CACNA2D3: variants seen among roughly 807,000 people sequenced by gnomAD.
CACNA2D3 encodes the protein calcium voltage-gated channel auxiliary subunit alpha2delta 3.
CACNA2D3 carries 60 observed loss-of-function variants against 160.6 expected under a neutral mutation model. The observed-to-expected ratio is 0.37, with a 90% CI of 0.30 to 0.46. CACNA2D3 has a LOEUF of 0.46. CACNA2D3 is among the 20% of genes least tolerant of loss of function. CACNA2D3 has a pLI of 1.00. For missense variants in CACNA2D3, 1,205 were observed against 1,365.0 expected (o/e 0.88, Z 1.85); for synonymous variants, 558 against 492.9 (o/e 1.13, Z -1.75).
chr3:54,991,109 C>T (rs1702730446), intron 31 of CACNA2D3, among the ~76,000 whole-genome samples: 2 of 152,172 alleles, frequency 1.3e-5, no homozygotes, highest in African/African-American at 2.4e-5. Flanking sequence ...CAGATCTTAC[C>T]TCTTTGCAGG....
At chr3:54,606,641 A>G (rs945971120) in intron 9 of CACNA2D3, among the ~76,000 whole-genome samples, 2 of 152,170 alleles carry the variant, frequency 1.3e-5, no homozygotes, top group Admixed American at 6.5e-5. Flanking sequence ...AACAAGGCAC[A>G]TGAAGTGAGT....
Position 54,472,073 on chromosome 3 carries a change from A to G in CACNA2D3, c.382-31419A>G, listed in dbSNP as rs190376709. 3.3e-4 allele frequency among the ~76,000 whole-genome samples: 50 copies of G among 152,318 alleles called. 1 individual carries two copies. The East Asian group carries it at 9.4e-3, about 29-fold the overall frequency. ...GAGGCCAGCATCATCCTGATACCAA[A>G]ACCTGGCAGAGACACAAGAAAAAAA... is the stretch of plus-strand genomic sequence containing the variant. On this transcript the variant is annotated intron_variant, in intron 4 of 37. Coordinates refer to ENST00000474759, the MANE Select transcript of CACNA2D3 (RefSeq NM_018398.3).
At chr3:54,321,922 CAA>C (rs1214395409) in intron 3 of CACNA2D3, among the ~76,000 whole-genome samples, 65 of 100,680 alleles carry the variant, frequency 6.5e-4, no homozygotes, top group Non-Finnish European at 8.4e-4. Flanking sequence ...GAAATCCTTG[CAA>C]AAAAAAAAAA....
chr3:54,609,044 C>G (rs894764983), intron 9 of CACNA2D3, among the ~76,000 whole-genome samples: 7 of 152,182 alleles, frequency 4.6e-5, no homozygotes, highest in Non-Finnish European at 1.0e-4. Flanking sequence ...CCCCCAACAA[C>G]TGTGTGTTTA....
intron 2 of CACNA2D3, among the ~76,000 whole-genome samples, chr3:54,235,069 A>G (rs572989482): frequency 6.6e-5 from 10 of 152,290 alleles, no homozygotes; most frequent in Admixed American, 5.2e-4. Flanking sequence ...ATTTCCCTAT[A>G]AAAGGAACCA....
intron 11 of CACNA2D3, among the ~76,000 whole-genome samples, chr3:54,646,173 TCCCTCCCTCCC>T: frequency 4.5e-5 from 1 of 22,230 alleles, no homozygotes; most frequent in Admixed American, 6.3e-4. Context: ...CCTCCCTCCC[TCCCTCCCTCCC>T]TCCTTCCTTG....
chr3:54,499,981 A>G (rs1343901216), intron 4 of CACNA2D3, among the ~76,000 whole-genome samples: 5 of 152,174 alleles, frequency 3.3e-5, no homozygotes, highest in Admixed American at 6.5e-5. Context: ...TTACTGATAC[A>G]GGGGCATTTA....
At position 54,802,721 on chromosome 3, in the gene CACNA2D3, C is replaced by G. The variant is rs572931258; in HGVS notation, c.1381-14132C>G. ...AGAGAGCAATGGTTCTCCCAGCATG[C>G]AGCTGGAGATGTGAGAATGGGCAGA... On this transcript the variant is annotated intron_variant, in intron 13 of 37. Transcript: ENST00000474759. 2.5e-3 allele frequency among the ~76,000 whole-genome samples: 382 copies of G among 152,284 alleles called. 2 individuals carry two copies. The highest frequency in any genetic ancestry group is 8.5e-3 in the African/African-American group (354 of 41,546).
At chr3:54,772,796 T>C (rs978684226) in intron 13 of CACNA2D3, among the ~76,000 whole-genome samples, 2 of 152,196 alleles carry the variant, frequency 1.3e-5, no homozygotes, top group Non-Finnish European at 2.9e-5. Flanking sequence ...ATGGAATTTG[T>C]TCCATTTTAA....
chr3:54,919,085 C>T (rs949684422), intron 27 of CACNA2D3, among the ~76,000 whole-genome samples: 2 of 151,768 alleles, frequency 1.3e-5, no homozygotes, highest in Non-Finnish European at 2.9e-5. Context: ...CTAAAAATGC[C>T]ACACACTAAA....
At chr3:54,137,720 T>C (rs781781221) in intron 2 of CACNA2D3, among the ~76,000 whole-genome samples, 1 of 152,238 alleles carries the variant, frequency 6.6e-6, no homozygotes, top group African/African-American at 2.4e-5. Flanking sequence ...TATTCTATTA[T>C]AGTCTATTCA....
chr3:55,039,744 T>G (rs1033846256), intron 35 of CACNA2D3, among the ~76,000 whole-genome samples: 5 of 152,226 alleles, frequency 3.3e-5, no homozygotes, highest in African/African-American at 1.2e-4. Flanking sequence ...AAATGTTATT[T>G]AGAGACCACA....
chr3:54,385,866 G>A (rs556212698), intron 3 of CACNA2D3: 2 of 482,834 alleles, frequency 4.1e-6, no homozygotes, highest in African/African-American at 2.0e-5. Flanking sequence ...ATTTTTGCTT[G>A]GATCTAAGAT....
chr3:54,805,002 A>G (rs1437229628), intron 13 of CACNA2D3, among the ~76,000 whole-genome samples: 2 of 152,356 alleles, frequency 1.3e-5, no homozygotes, highest in South Asian at 2.1e-4. Context: ...TTTGAAACCA[A>G]TGAGAACAAA....
At chr3:54,335,848 C>CA (rs969763807) in intron 3 of CACNA2D3, among the ~76,000 whole-genome samples, 5 of 150,306 alleles carry the variant, frequency 3.3e-5, no homozygotes, top group Non-Finnish European at 7.4e-5. Flanking sequence ...ACTAAAATAA[C>CA]AAAAAATTAA....
At chr3:54,640,281 G>C (rs893143772) in intron 10 of CACNA2D3, among the ~76,000 whole-genome samples, 1 of 152,166 alleles carries the variant, frequency 6.6e-6, no homozygotes, top group South Asian at 2.1e-4. Flanking sequence ...TGGGCACTTA[G>C]CAAATAATTT....
At chr3:54,468,842 G>C (rs1700677035) in intron 4 of CACNA2D3, among the ~76,000 whole-genome samples, 1 of 152,196 alleles carries the variant, frequency 6.6e-6, no homozygotes, top group South Asian at 2.1e-4. Flanking sequence ...GCCCACTGCA[G>C]CTCAGCAAAG....
intron 2 of CACNA2D3, among the ~76,000 whole-genome samples, chr3:54,155,533 G>C (rs552177540): frequency 6.6e-6 from 1 of 152,232 alleles, no homozygotes; most frequent in East Asian, 1.9e-4. Context: ...GGGAAATAAA[G>C]AAGAACAAGT....
intron 11 of CACNA2D3, among the ~76,000 whole-genome samples, chr3:54,748,632 C>T (rs746039719): frequency 3.9e-5 from 6 of 151,962 alleles, no homozygotes; most frequent in Non-Finnish European, 8.8e-5. Flanking sequence ...TCCATGCCTG[C>T]AGATGATGAG....
Sources: allele counts gnomAD v4.1 joint callset (sites outside exome capture counted in the v4.1 genomes callset), GRCh38; gene constraint gnomAD v4.1.1; transcripts MANE v1.5; gene names NCBI Gene and HGNC (gene_info 2026-07-23, HGNC 2026-07-21).